Variants in SLC38A4 observed in about 807,000 individuals in gnomAD.
SLC38A4 encodes the protein solute carrier family 38 member 4, also known as sodium-coupled neutral amino acid transporter 4.
In SLC38A4, 20 loss-of-function variants were observed where a neutral mutation model predicts 63.1. The observed-to-expected ratio is 0.32, with a 90% confidence interval of 0.22 to 0.46. The LOEUF (loss-of-function observed/expected upper bound fraction) is 0.46. Ranked by LOEUF, SLC38A4 falls within the 20% of genes least tolerant of loss-of-function variation. The pLI, the probability that SLC38A4 is intolerant of heterozygous loss-of-function variation, is 1.00. For synonymous variants in SLC38A4, 230 were observed against 225.5 expected (o/e 1.02, Z -0.18); for missense variants, 526 against 663.6 (o/e 0.79, Z 2.28).
At chr12:46,828,855 C>T (rs1379110046), upstream of SLC38A4, among the ~76,000 whole-genome samples, 2 of 152,126 alleles carry the variant, frequency 1.3e-5, no homozygotes, top group African/African-American at 4.8e-5. Context: ...TCATTATATA[C>T]ACAGTGGAAG....
chr12:46,801,185 T>C (rs1939125755), intron 2 of SLC38A4, among the ~76,000 whole-genome samples: 1 of 152,148 alleles, frequency 6.6e-6, no homozygotes, highest in Non-Finnish European at 1.5e-5. Context: ...TAGAATAATT[T>C]CATTTCTATC....
chr12:46,768,542 C>A (rs1379129780), intron 15 of SLC38A4, 135 bp from the exon 16 acceptor site: 1 of 499,706 alleles, frequency 2.0e-6, no homozygotes, highest in Non-Finnish European at 3.5e-6. Context: ...ACTTAAGTCA[C>A]ATAAGCTCAT....
chr12:46,771,122 GA>G (rs1309240394), intron 14 of SLC38A4, among the ~76,000 whole-genome samples: 1 of 152,102 alleles, frequency 6.6e-6, no homozygotes, highest in Non-Finnish European at 1.5e-5. Flanking sequence ...TGAACATTAT[GA>G]AACTCATTCT....
chr12:46,810,645 C>T (rs892746131), intron 1 of SLC38A4, among the ~76,000 whole-genome samples: 4 of 151,526 alleles, frequency 2.6e-5, no homozygotes, highest in African/African-American at 9.7e-5. Flanking sequence ...TGGTTATTTC[C>T]AGAATGTGGA....
chr12:46,809,953 C>A (rs1379322480), intron 1 of SLC38A4, among the ~76,000 whole-genome samples: 1 of 151,954 alleles, frequency 6.6e-6, no homozygotes, highest in Non-Finnish European at 1.5e-5. Context: ...GAATGAAAAT[C>A]TTTATTTAAG....
intron 7 of SLC38A4, among the ~76,000 whole-genome samples, chr12:46,780,247 T>TTC (rs1022886375): frequency 6.6e-6 from 1 of 152,010 alleles, no homozygotes; most frequent in African/African-American, 2.4e-5. Context: ...TCAGGGCTGA[T>TTC]TCTGTGTTAA....
intron 1 of SLC38A4, among the ~76,000 whole-genome samples, chr12:46,805,124 G>T (rs1284668183): frequency 6.6e-6 from 1 of 151,872 alleles, no homozygotes; most frequent in Non-Finnish European, 1.5e-5. Flanking sequence ...ATCGGGTGGA[G>T]ATAAATGTAT....
intron 14 of SLC38A4, among the ~76,000 whole-genome samples, chr12:46,774,473 T>C (rs936805843): frequency 1.3e-5 from 2 of 151,996 alleles, no homozygotes; most frequent in Non-Finnish European, 2.9e-5. Flanking sequence ...CAGGGAGGGG[T>C]GACCTGGTGT....
chr12:46,809,465 G>C (rs1247868984), intron 1 of SLC38A4, among the ~76,000 whole-genome samples: 1 of 152,074 alleles, frequency 6.6e-6, no homozygotes, highest in South Asian at 2.1e-4. Flanking sequence ...GCTTCTGCCT[G>C]AAAAGCTTAT....
chr12:46,799,261 C>G (rs561992103), intron 2 of SLC38A4, among the ~76,000 whole-genome samples: 1 of 152,078 alleles, frequency 6.6e-6, no homozygotes, highest in Non-Finnish European at 1.5e-5. Flanking sequence ...TGCCCCTTCA[C>G]AAATGAACAA....
At chr12:46,811,729 CCTT>C (rs772546359) in intron 1 of SLC38A4, among the ~76,000 whole-genome samples, 6 of 151,978 alleles carry the variant, frequency 3.9e-5, no homozygotes, top group Non-Finnish European at 5.9e-5. Flanking sequence ...ATGAGGCAAT[CCTT>C]CTTACATTGC....
At chr12:46,801,934 G>T (rs2120861841) in intron 2 of SLC38A4, among the ~76,000 whole-genome samples, 1 of 152,154 alleles carries the variant, frequency 6.6e-6, no homozygotes, top group Non-Finnish European at 1.5e-5. Context: ...CCTATTGCTA[G>T]TGCTAATATT....
At chr12:46,774,720 T>TTGGAACC (rs1555170346) in intron 14 of SLC38A4, among the ~76,000 whole-genome samples, 33 of 152,048 alleles carry the variant, frequency 2.2e-4, no homozygotes, top group African/African-American at 7.0e-4. Context: ...TTAATATGGT[T>TTGGAACC]TTGGCTTTCA....
chr12:46,782,962 A>G (rs1938673486), intron 7 of SLC38A4, among the ~76,000 whole-genome samples: 1 of 142,798 alleles, frequency 7.0e-6, no homozygotes, highest in Non-Finnish European at 1.5e-5. Context: ...AGCCCAGAGG[A>G]ACTAGTATTT....
chr12:46,788,720 G>T, intron 3 of SLC38A4, 102 bp from the exon 4 acceptor site: 1 of 1,063,108 alleles, frequency 9.4e-7, no homozygotes, highest in South Asian at 1.5e-5. Context: ...TCAGAGGAGG[G>T]GAAATAAGAC....
At chr12:46,811,891 T>C (rs1202065279) in intron 1 of SLC38A4, among the ~76,000 whole-genome samples, 1 of 151,986 alleles carries the variant, frequency 6.6e-6, no homozygotes, top group Non-Finnish European at 1.5e-5. Context: ...AAAAGCTAAT[T>C]GCAAGTCTTA....
chr12:46,771,280 T>C (rs73282195), intron 14 of SLC38A4, among the ~76,000 whole-genome samples: 90 of 152,248 alleles, frequency 5.9e-4, no homozygotes, highest in African/African-American at 2.0e-3. Context: ...TTATGGTATA[T>C]ACATAGTGCC....
Position 46,778,793 on chromosome 12 carries a change from A to C in SLC38A4, c.718-17T>G, listed in dbSNP as rs759262831. On this transcript the variant is annotated splice_polypyrimidine_tract_variant and intron_variant, in intron 10 of 16. Transcript: ENST00000266579. Reference sequence around the variant, plus strand: ...GTAAATCACCTAGACTCAGTCATTAAAAAAGAAAAAAAAATCAGCTTTTTG... The same window carrying C: ...GTAAATCACCTAGACTCAGTCATTACAAAAGAAAAAAAAATCAGCTTTTTG... 6 of 1,596,536 alleles carry C rather than the reference A, an allele frequency of 3.8e-6. No individual in the cohort carries two copies. The South Asian group carries it at 6.8e-5, about 18-fold the overall frequency.
intron 15 of SLC38A4, 109 bp downstream of exon 15, chr12:46,769,175 T>C (rs149998255): frequency 3.2e-6 from 4 of 1,234,006 alleles, no homozygotes; most frequent in East Asian, 2.4e-5. Flanking sequence ...AGGGAATCCA[T>C]GAGCCTGAGA....
Sources: allele counts gnomAD v4.1 joint callset (sites outside exome capture counted in the v4.1 genomes callset), GRCh38; gene constraint gnomAD v4.1.1; transcripts MANE v1.5; gene names NCBI Gene and HGNC (gene_info 2026-07-23, HGNC 2026-07-21).